The following RBMS3 variants were observed in gnomAD, a reference collection of about 807,000 sequenced individuals.
RBMS3 encodes the protein RNA binding motif single stranded interacting protein 3, also known as RNA-binding motif, single-stranded-interacting protein 3.
In RBMS3, 27 loss-of-function variants were observed where a neutral mutation model predicts 66.8. The observed-to-expected ratio is 0.40, with a 90% confidence interval of 0.30 to 0.56. RBMS3 has a LOEUF of 0.56. RBMS3 is among the 20% of genes least tolerant of loss of function. The probability of loss-of-function intolerance (pLI) is 0.40; values close to 1 mark genes in which losing one functional copy is unlikely to be tolerated. For missense variants in RBMS3, 513 were observed against 549.5 expected, an observed-to-expected ratio of 0.93 and a Z score of 0.66; for synonymous variants, 188 against 183.0, an observed-to-expected ratio of 1.03 and a Z score of -0.22.
intron 4 of RBMS3, among the ~76,000 whole-genome samples, chr3:29,637,484 T>C (rs372715745): frequency 1.3e-5 from 2 of 151,900 alleles, no homozygotes; most frequent in African/African-American, 4.8e-5. Flanking sequence ...AACTTGATGC[T>C]TCTAAAATAG....
chr3:29,310,017 CGAA>C (rs1280941750), intron 1 of RBMS3, among the ~76,000 whole-genome samples: 2 of 151,202 alleles, frequency 1.3e-5, no homozygotes, highest in African/African-American at 4.9e-5. Context: ...TGATCTGAGT[CGAA>C]GGAGGAGGTG....
At position 29,492,614 on chromosome 3, in the gene RBMS3, T is replaced by G. The variant is rs142520652; in HGVS notation, c.307+4115T>G. Among the ~76,000 whole-genome samples, 237 of 152,108 alleles carry G rather than the reference T, an allele frequency of 1.6e-3. 1 individual carries two copies. Among genetic ancestry groups the G allele is most frequent in the African/African-American group, 5.4e-3 (225 of 41,480 alleles). ...AATGAAGACTAGTTGGTTATAAAAT[T>G]TGATGATGTGAGATTCTAAATGGGA... On this transcript the variant is annotated intron_variant, in intron 3 of 14. Transcript: ENST00000383767.
intron 6 of RBMS3, among the ~76,000 whole-genome samples, chr3:29,765,174 T>G (rs2055869386): frequency 6.6e-6 from 1 of 152,030 alleles, no homozygotes; most frequent in African/African-American, 2.4e-5. Context: ...TTTTGCAAGG[T>G]AAAGTAGTAA....
chr3:29,850,569 G>A (rs774078114), intron 6 of RBMS3, among the ~76,000 whole-genome samples: 13 of 151,628 alleles, frequency 8.6e-5, no homozygotes, highest in African/African-American at 2.2e-4. Flanking sequence ...CTCCATTTTC[G>A]CTAGGAAATT....
At chr3:29,673,784 C>A (rs2051109985) in intron 4 of RBMS3, among the ~76,000 whole-genome samples, 1 of 152,094 alleles carries the variant, frequency 6.6e-6, no homozygotes, top group South Asian at 2.1e-4. Flanking sequence ...CCAAAAAAGT[C>A]CAGGACCAGA....
intron 1 of RBMS3, among the ~76,000 whole-genome samples, chr3:29,407,855 T>G (rs989285200): frequency 6.6e-6 from 1 of 152,224 alleles, no homozygotes; most frequent in African/African-American, 2.4e-5. Flanking sequence ...CTAACTTGAC[T>G]AATAATAGAA....
intron 1 of RBMS3, among the ~76,000 whole-genome samples, chr3:29,301,463 C>G (rs528058162): frequency 2.6e-5 from 4 of 152,102 alleles, no homozygotes; most frequent in South Asian, 4.1e-4. Flanking sequence ...CCCCTCTTAA[C>G]GTCTAAAATG....
intron 3 of RBMS3, among the ~76,000 whole-genome samples, chr3:29,555,168 C>T (rs938246882): frequency 1.3e-5 from 2 of 152,080 alleles, no homozygotes; most frequent in African/African-American, 4.8e-5. Context: ...AATTGAGAGC[C>T]TACTTTGTGC....
chr3:29,684,138 C>A (rs2051613692), intron 4 of RBMS3, among the ~76,000 whole-genome samples: 1 of 152,146 alleles, frequency 6.6e-6, no homozygotes, highest in African/African-American at 2.4e-5. Flanking sequence ...TTTCTCAATG[C>A]ATTCAGGAGA....
chr3:29,434,631 A>G lies in RBMS3; in HGVS notation c.76-112A>G, dbSNP rs2125724665. 5 of 1,370,972 alleles carry G rather than the reference A, an allele frequency of 3.6e-6. No individual in the cohort carries two copies. In the South Asian group the frequency reaches 7.0e-5, roughly 19 times the overall value. 84.9% of individuals were successfully genotyped at this position (1,370,972 alleles called of 1,614,324 possible). A position where few individuals can be genotyped will look rare whatever the true frequency, so the allele number is the denominator to read the frequency against. On this transcript the variant is annotated intron_variant, in intron 1 of 14. Transcript: ENST00000383767. ...GTGATATAAATGTGTGTGTGTATGT[A>G]CGTGTGTGTATTGGAGAAGACGCAT...
intron 10 of RBMS3, among the ~76,000 whole-genome samples, chr3:29,905,286 G>C (rs1167453499): frequency 1.3e-5 from 2 of 152,024 alleles, no homozygotes; most frequent in Non-Finnish European, 1.5e-5. Context: ...TAGAGCATCT[G>C]TATTCCATGC....
chr3:29,903,242 C>G (rs1300559408), intron 10 of RBMS3: 1 of 151,820 alleles, frequency 6.6e-6, no homozygotes, highest in African/African-American at 2.4e-5. Context: ...CTTATTGGAT[C>G]TCCTGGAAAG....
At chr3:29,702,877 C>T (rs958639514) in intron 4 of RBMS3, among the ~76,000 whole-genome samples, 6 of 152,158 alleles carry the variant, frequency 3.9e-5, no homozygotes, top group African/African-American at 9.7e-5. Context: ...CGCGAGGGTC[C>T]GCGGCTTCAT....
At chr3:29,954,208 A>G (rs1695875724) in intron 12 of RBMS3, among the ~76,000 whole-genome samples, 1 of 151,442 alleles carries the variant, frequency 6.6e-6, no homozygotes, top group South Asian at 2.1e-4. Flanking sequence ...GTGCTTCCTC[A>G]CTTTTAACTG....
At chr3:29,376,178 C>G (rs186532606) in intron 1 of RBMS3, among the ~76,000 whole-genome samples, 40 of 120,576 alleles carry the variant, frequency 3.3e-4, no homozygotes, top group African/African-American at 1.3e-3. Context: ...ACAACACACA[C>G]TGGGTCTTGT....
At chr3:29,381,120 A>G (rs2038745304) in intron 1 of RBMS3, among the ~76,000 whole-genome samples, 1 of 152,080 alleles carries the variant, frequency 6.6e-6, no homozygotes, top group South Asian at 2.1e-4. Flanking sequence ...TGCACCTGTG[A>G]GGAAGTGAGT....
At chr3:29,602,039 A>C (rs912820177) in intron 4 of RBMS3, among the ~76,000 whole-genome samples, 1 of 152,074 alleles carries the variant, frequency 6.6e-6, no homozygotes, top group Non-Finnish European at 1.5e-5. Context: ...ATCTCTAAAT[A>C]AATCCCTTAA....
intron 1 of RBMS3, among the ~76,000 whole-genome samples, chr3:29,407,659 C>T (rs2040082263): frequency 6.6e-6 from 1 of 152,146 alleles, no homozygotes; most frequent in Non-Finnish European, 1.5e-5. Flanking sequence ...TCTCCCTCTT[C>T]CCTCTAACAG....
chr3:29,815,913 A>C (rs569621402), intron 6 of RBMS3, among the ~76,000 whole-genome samples: 2 of 151,898 alleles, frequency 1.3e-5, no homozygotes, highest in Non-Finnish European at 2.9e-5. Flanking sequence ...ACCGAAAAGC[A>C]CCTGTACTCC....
Sources: gnomAD v4.1 joint callset for allele counts (sites outside exome capture counted in the v4.1 genomes callset) on GRCh38, gnomAD v4.1.1 for gene constraint, MANE v1.5 for transcripts, NCBI Gene and HGNC (gene_info 2026-07-23, HGNC 2026-07-21) for gene names.